Variants in EHBP1 observed in about 807,000 individuals in gnomAD.
EHBP1 encodes EH domain-binding protein 1.
Under a neutral mutation model 144.0 loss-of-function variants are expected in EHBP1, and 55 were observed. The ratio of observed to expected loss-of-function variants is 0.38; its 90% CI spans 0.31 to 0.48. The LOEUF (loss-of-function observed/expected upper bound fraction) is 0.48, where lower values mean the gene tolerates loss of function less well. EHBP1 is among the 20% of genes least tolerant of loss of function. The pLI is 0.98. For synonymous variants in EHBP1, 469 were observed against 472.7 expected (o/e 0.99, Z 0.10); for missense variants, 1,200 against 1,364.2 (o/e 0.88, Z 1.90).
At chr2:63,007,105 G>A (rs888181733) in intron 19 of EHBP1, among the ~76,000 whole-genome samples, 2 of 151,812 alleles carry the variant, frequency 1.3e-5, no homozygotes, top group Non-Finnish European at 2.9e-5. Flanking sequence ...AGCCTTGTAA[G>A]AAGCAGCATA....
intron 10 of EHBP1, among the ~76,000 whole-genome samples, chr2:62,894,032 G>A (rs1194759769): frequency 1.3e-5 from 2 of 149,316 alleles, no homozygotes; most frequent in South Asian, 2.1e-4. Flanking sequence ...GTGACAGAGC[G>A]AGACTCCGTC....
intron 10 of EHBP1, among the ~76,000 whole-genome samples, chr2:62,905,289 A>G (rs1435572857): frequency 2.0e-5 from 3 of 152,156 alleles, no homozygotes; most frequent in Non-Finnish European, 4.4e-5. Flanking sequence ...AAAGAGGGAC[A>G]CTTTATGCTC....
intron 6 of EHBP1, among the ~76,000 whole-genome samples, chr2:62,827,728 C>T (rs2046444785): frequency 6.6e-6 from 1 of 151,552 alleles, no homozygotes; most frequent in South Asian, 2.1e-4. Flanking sequence ...AGTGCAGTGG[C>T]ACGATCTCGG....
intron 10 of EHBP1, among the ~76,000 whole-genome samples, chr2:62,888,585 T>C (rs2152902495): frequency 6.6e-6 from 1 of 152,296 alleles, no homozygotes; most frequent in South Asian, 2.1e-4. Context: ...CTGAATAAAG[T>C]AAATAACTTA....
At chr2:62,825,836 T>C (rs1360193944) in intron 5 of EHBP1, among the ~76,000 whole-genome samples, 1 of 152,056 alleles carries the variant, frequency 6.6e-6, no homozygotes, top group African/African-American at 2.4e-5. Context: ...TTTTCTGGTG[T>C]TTAGGGTTGT....
intron 4 of EHBP1, among the ~76,000 whole-genome samples, chr2:62,764,864 C>T (rs888750239): frequency 6.6e-6 from 1 of 152,004 alleles, no homozygotes; most frequent in Non-Finnish European, 1.5e-5. Context: ...CAAAGCACCT[C>T]ATAGAGGAGG....
chr2:63,019,903 G>T (rs1356968891), intron 19 of EHBP1, among the ~76,000 whole-genome samples: 1 of 150,604 alleles, frequency 6.6e-6, no homozygotes, highest in Non-Finnish European at 1.5e-5. Flanking sequence ...AAAAAAAAAT[G>T]CTGGGCTGGG....
chr2:62,953,517 C>T (rs1169514547), intron 13 of EHBP1, among the ~76,000 whole-genome samples: 1 of 151,292 alleles, frequency 6.6e-6, no homozygotes, highest in Non-Finnish European at 1.5e-5. Context: ...CCATTGGACT[C>T]CAGCCTCGGT....
chr2:62,713,598 C>A (rs1169608733), intron 2 of EHBP1, among the ~76,000 whole-genome samples: 1 of 152,128 alleles, frequency 6.6e-6, no homozygotes. Flanking sequence ...GGTTAGATGA[C>A]TGCAAAAGGA....
At chr2:62,869,422 A>T (rs1444679171) in intron 9 of EHBP1, among the ~76,000 whole-genome samples, 1 of 152,194 alleles carries the variant, frequency 6.6e-6, no homozygotes, top group Non-Finnish European at 1.5e-5. Context: ...GGATAAACAA[A>T]CTGTGGCATA....
intron 2 of EHBP1, among the ~76,000 whole-genome samples, chr2:62,718,383 A>G (rs2035890249): frequency 6.6e-6 from 1 of 152,244 alleles, no homozygotes; most frequent in Admixed American, 6.5e-5. Flanking sequence ...CAGTAGCCAC[A>G]TTTCAAATGC....
chr2:62,970,745 T>C (rs1429722283), intron 14 of EHBP1, among the ~76,000 whole-genome samples: 1 of 152,148 alleles, frequency 6.6e-6, no homozygotes, highest in Non-Finnish European at 1.5e-5. Context: ...AAGTTGGGGA[T>C]TGGAGAAGCT....
At chr2:62,845,855 G>T (rs1482964301) in intron 7 of EHBP1, among the ~76,000 whole-genome samples, 1 of 152,096 alleles carries the variant, frequency 6.6e-6, no homozygotes, top group Non-Finnish European at 1.5e-5. Context: ...TTAAAAGGAT[G>T]AGAATATCTG....
chr2:62,786,704 T>G (rs931542657), intron 5 of EHBP1, among the ~76,000 whole-genome samples: 2 of 152,224 alleles, frequency 1.3e-5, no homozygotes, highest in Non-Finnish European at 2.9e-5. Flanking sequence ...ATTTCTGAAC[T>G]TGGATAATTT....
At chr2:62,732,705 G>A (rs765425355) in intron 2 of EHBP1, among the ~76,000 whole-genome samples, 46 of 152,220 alleles carry the variant, frequency 3.0e-4, no homozygotes, top group South Asian at 1.7e-3. Flanking sequence ...GGAACCATGC[G>A]CCAATTAAAC....
intron 14 of EHBP1, among the ~76,000 whole-genome samples, chr2:62,963,239 G>A (rs980486313): frequency 2.6e-5 from 4 of 152,196 alleles, no homozygotes; most frequent in East Asian, 3.9e-4. Context: ...AACCTTTGAC[G>A]GGTATTTTAT....
At chr2:63,042,100 A>G (rs937629266) in intron 21 of EHBP1, among the ~76,000 whole-genome samples, 2 of 152,198 alleles carry the variant, frequency 1.3e-5, no homozygotes, top group East Asian at 1.9e-4. Context: ...TATTTGTTAC[A>G]AGAGGATATG....
chr2:62,828,894 C>G (rs1320690197), intron 6 of EHBP1, among the ~76,000 whole-genome samples: 1 of 151,982 alleles, frequency 6.6e-6, no homozygotes, highest in African/African-American at 2.4e-5. Context: ...ACTTTGGGAG[C>G]CTGAGGTGGG....
chr2:62,921,968 A>T (rs1405180952), intron 10 of EHBP1, among the ~76,000 whole-genome samples: 1 of 152,176 alleles, frequency 6.6e-6, no homozygotes, highest in Non-Finnish European at 1.5e-5. Context: ...TGAGGTCAGG[A>T]GTTCAAGACC....
Sources: gnomAD v4.1 joint callset for allele counts (sites outside exome capture counted in the v4.1 genomes callset) on GRCh38, gnomAD v4.1.1 for gene constraint, MANE v1.5 for transcripts, NCBI Gene and HGNC (gene_info 2026-07-23, HGNC 2026-07-21) for gene names.